Variants in RFX4 observed in about 807,000 individuals in gnomAD.
The protein encoded by RFX4 is transcription factor RFX4.
A neutral mutation model predicts 95.0 loss-of-function variants in RFX4; 10 were observed. The ratio of observed to expected loss-of-function variants is 0.11; its 90% CI spans 0.06 to 0.18. RFX4 has a LOEUF of 0.18. Among genes scored for constraint, RFX4 ranks in the 10% least tolerant of loss-of-function variants. The pLI is 1.00. For missense variants in RFX4, 640 were observed against 922.0 expected, an observed-to-expected ratio of 0.69 and a Z score of 3.96; for synonymous variants, 321 against 340.7, an observed-to-expected ratio of 0.94 and a Z score of 0.64.
At chr12:106,624,922 C>A (rs142802529) in intron 2 of RFX4, among the ~76,000 whole-genome samples, 1 of 152,104 alleles carries the variant, frequency 6.6e-6, no homozygotes, top group Non-Finnish European at 1.5e-5. Flanking sequence ...AATGCCTTCT[C>A]GGGGTGTGAT....
intron 10 of RFX4, 69 bp downstream of exon 10, chr12:106,711,580 A>G: frequency 7.7e-7 from 1 of 1,300,950 alleles, no homozygotes; most frequent in Non-Finnish European, 1.1e-6. Flanking sequence ...AATCCACAAA[A>G]ACAACCTCCT....
At chr12:106,608,004 C>T (rs971903907) in intron 1 of RFX4, among the ~76,000 whole-genome samples, 18 of 152,048 alleles carry the variant, frequency 1.2e-4, no homozygotes, top group Admixed American at 2.0e-4. Flanking sequence ...ACCAGCCTGG[C>T]CAACATGGTG....
intron 3 of RFX4, chr12:106,646,002 T>C: frequency 8.2e-7 from 1 of 1,213,812 alleles, no homozygotes; most frequent in Non-Finnish European, 1.1e-6. Flanking sequence ...TGCTGTGTTG[T>C]GGAACCACAA....
rs566527940 is a variant in RFX4, at chr12:106,586,370, G to T, written c.43+3007G>T. Among the ~76,000 whole-genome samples, 139 of 152,240 alleles carry T rather than the reference G, an allele frequency of 9.1e-4. 1 individual carries two copies. The highest frequency in any genetic ancestry group is 1.0e-3 in the Non-Finnish European group (70 of 67,996). The stretch of plus-strand genomic sequence containing the variant: ...GTTTGTGGCCGCCGGGTCCAATCAG[G>T]GCTGCTCTGCCCGGGTGATCGTTGC... On this transcript the variant is annotated intron_variant, in intron 1 of 17. Coordinates refer to ENST00000392842, the MANE Select transcript of RFX4 (RefSeq NM_213594.3). This position sits in a 1 kb window ranked among gnomAD's most constrained non-coding sequence, Gnocchi z 5.6.
At chr12:106,726,888 C>T (rs2042509548) in intron 13 of RFX4, among the ~76,000 whole-genome samples, 1 of 152,282 alleles carries the variant, frequency 6.6e-6, no homozygotes, top group East Asian at 1.9e-4. Flanking sequence ...TCTCATGCCT[C>T]AGCCTCCCAA....
intron 6 of RFX4, among the ~76,000 whole-genome samples, chr12:106,688,335 TG>T (rs939199337): frequency 1.8e-4 from 27 of 152,170 alleles, no homozygotes; most frequent in Non-Finnish European, 3.4e-4. Flanking sequence ...CCCAAAGTGC[TG>T]GGATTACAGG....
At chr12:106,591,921 C>A (rs2137168064) in intron 1 of RFX4, among the ~76,000 whole-genome samples, 1 of 152,284 alleles carries the variant, frequency 6.6e-6, no homozygotes, top group South Asian at 2.1e-4. Flanking sequence ...TGCCATCAGA[C>A]AAGGTTCAAA....
At chr12:106,714,459 T>G (rs2042252016) in intron 10 of RFX4, among the ~76,000 whole-genome samples, 1 of 152,254 alleles carries the variant, frequency 6.6e-6, no homozygotes, top group Admixed American at 6.5e-5. Flanking sequence ...AATTGGATGG[T>G]CTGGGTACAA....
chr12:106,604,030 G>A (rs2039769183), intron 1 of RFX4, among the ~76,000 whole-genome samples: 1 of 152,006 alleles, frequency 6.6e-6, no homozygotes, highest in Non-Finnish European at 1.5e-5. Flanking sequence ...TGAGCTCAGG[G>A]AGTAGCACGT....
At chr12:106,640,607 G>T (rs1282585007) in intron 3 of RFX4, among the ~76,000 whole-genome samples, 1 of 151,986 alleles carries the variant, frequency 6.6e-6, no homozygotes, top group Non-Finnish European at 1.5e-5. Flanking sequence ...TGCATTTGCT[G>T]CTTTTTGCTT....
chr12:106,634,605 C>T (rs1202663209), intron 2 of RFX4, among the ~76,000 whole-genome samples: 4 of 152,070 alleles, frequency 2.6e-5, no homozygotes, highest in Admixed American at 6.5e-5. Flanking sequence ...CACCTGGATC[C>T]ACTCTGCCAC....
rs370923272 is a variant in RFX4, at chr12:106,588,116, C to A, written c.43+4753C>A. Among the ~76,000 whole-genome samples, 7 of 152,248 alleles carry A rather than the reference C, an allele frequency of 4.6e-5. No individual in the cohort carries two copies. In the East Asian group the frequency reaches 1.4e-3, roughly 29 times the overall value. ...CAGGAAGCAATATATGAGCTGGTTA[C>A]CACTATCTGAAATATGACCCACTGC... On this transcript the variant is annotated intron_variant, in intron 1 of 17. Coordinates refer to ENST00000392842, the MANE Select transcript of RFX4 (RefSeq NM_213594.3).
At chr12:106,589,022 T>C (rs953731350) in intron 1 of RFX4, among the ~76,000 whole-genome samples, 10 of 152,198 alleles carry the variant, frequency 6.6e-5, no homozygotes, top group African/African-American at 2.4e-4. Flanking sequence ...ATCCTACGTG[T>C]TCTGCAGGTC....
chr12:106,727,514 G>C lies in RFX4; in HGVS notation c.1352-4616G>C, dbSNP rs117715295. Reference sequence around the variant, plus strand: ...AAAAGAAAATGAAATAGAAGAATTAGAAAGGAAAACACAAAATTGTCTTTA... The same window carrying C: ...AAAAGAAAATGAAATAGAAGAATTACAAAGGAAAACACAAAATTGTCTTTA... On this transcript the variant is annotated intron_variant, in intron 13 of 17. Transcript: ENST00000392842. Among the ~76,000 whole-genome samples the C allele has an allele frequency of 2.9e-3, 441 of 152,078 alleles. 5 individuals carry two copies. Among genetic ancestry groups the C allele is most frequent in the East Asian group, 0.025 (129 of 5,176 alleles).
intron 17 of RFX4, among the ~76,000 whole-genome samples, chr12:106,755,232 G>C (rs1467304567): frequency 6.6e-6 from 1 of 152,124 alleles, no homozygotes; most frequent in Non-Finnish European, 1.5e-5. Context: ...AAGTACCTGG[G>C]ACTATAGGCA....
chr12:106,610,285 G>A (rs1319135394), intron 2 of RFX4, among the ~76,000 whole-genome samples: 1 of 148,064 alleles, frequency 6.8e-6, no homozygotes, highest in Non-Finnish European at 1.5e-5. Context: ...AACATTCTAA[G>A]TTTTATTTAA....
intron 5 of RFX4, among the ~76,000 whole-genome samples, chr12:106,684,076 G>C (rs1356708967): frequency 1.3e-5 from 2 of 152,010 alleles, no homozygotes; most frequent in Admixed American, 1.3e-4. Context: ...GAAGAAATCT[G>C]GGGGGGTGGG....
intron 4 of RFX4, among the ~76,000 whole-genome samples, chr12:106,656,766 G>A (rs1472888697): frequency 1.1e-4 from 16 of 152,002 alleles, no homozygotes; most frequent in African/African-American, 3.6e-4. Context: ...GGTTTCTGCT[G>A]ACATCTATGC....
intron 2 of RFX4, among the ~76,000 whole-genome samples, chr12:106,628,071 G>A (rs1325828848): frequency 2.0e-5 from 3 of 152,180 alleles, no homozygotes; most frequent in Non-Finnish European, 4.4e-5. Context: ...CGGCCCCAGT[G>A]TTTAGGCTGT....
Sources: gnomAD v4.1 joint callset for allele counts (sites outside exome capture counted in the v4.1 genomes callset) on GRCh38, gnomAD v4.1.1 for gene constraint, Gnocchi (gnomAD v3.1) non-coding constraint, MANE v1.5 for transcripts, NCBI Gene and HGNC (gene_info 2026-07-23, HGNC 2026-07-21) for gene names.